C10orf67: variants seen among roughly 807,000 people sequenced by gnomAD.
C10orf67 encodes the protein chromosome 10 open reading frame 67, also known as uncharacterized protein C10orf67, mitochondrial.
A neutral mutation model predicts 35.6 loss-of-function variants in C10orf67; 60 were observed. The observed-to-expected ratio is 1.68, with a 90% CI of 1.37 to 2.09. C10orf67 has a LOEUF of 2.09. Ranked by LOEUF, C10orf67 falls within the 30% of genes most tolerant of loss-of-function variation. The probability of loss-of-function intolerance (pLI) is 0.00; values close to 1 mark genes in which losing one functional copy is unlikely to be tolerated. For missense variants in C10orf67, 474 were observed against 330.2 expected (o/e 1.44, Z -3.38); for synonymous variants, 167 against 115.8 (o/e 1.44, Z -2.84).
intron 10 of C10orf67, among the ~76,000 whole-genome samples, chr10:23,259,880 A>G (rs1842701732): frequency 6.6e-6 from 1 of 152,148 alleles, no homozygotes. Context: ...GAAACAAAGA[A>G]AAAAAGTAGT....
chr10:23,290,727 GT>G (rs911431287), intron 6 of C10orf67, among the ~76,000 whole-genome samples: 1 of 152,130 alleles, frequency 6.6e-6, no homozygotes, highest in Non-Finnish European at 1.5e-5. Context: ...GGCTAACTCT[GT>G]TTTCCCTACA....
At chr10:23,317,529 GC>G (rs1250261548) in intron 4 of C10orf67, 1 of 152,176 alleles carries the variant, frequency 6.6e-6, no homozygotes, top group Non-Finnish European at 1.5e-5. Context: ...CTCCCCTGCT[GC>G]AGCCGGCATC....
chr10:23,311,509 C>T (rs972741115), intron 4 of C10orf67, among the ~76,000 whole-genome samples: 8 of 152,052 alleles, frequency 5.3e-5, no homozygotes, highest in East Asian at 1.9e-4. Context: ...GTCCGGAGTT[C>T]GAGACCAGCC....
chr10:23,250,060 G>T (rs886233275), intron 12 of C10orf67, among the ~76,000 whole-genome samples: 5 of 152,326 alleles, frequency 3.3e-5, no homozygotes, highest in Middle Eastern at 3.4e-3. Flanking sequence ...TGGAGCTGTT[G>T]TGTCTGGTAG....
chr10:23,211,515 C>T lies in C10orf67; in HGVS notation c.1571-7260G>A, dbSNP rs188336123. Among the ~76,000 whole-genome samples the T allele has an allele frequency of 6.1e-4, 92 of 151,614 alleles. 1 individual carries two copies. Among genetic ancestry groups the T allele is most frequent in the Middle Eastern group, 3.4e-3 (1 of 294 alleles). On this transcript the variant is annotated intron_variant, in intron 15 of 15. Coordinates refer to ENST00000636213, the MANE Select transcript of C10orf67 (RefSeq NM_001371909.1). ...GTATCACAATTCAACCCGTAACACACACTTTTCCAGAGAAGGCAACTTACT... is the reference window on the plus strand; with the variant it reads ...GTATCACAATTCAACCCGTAACACATACTTTTCCAGAGAAGGCAACTTACT...
At chr10:23,316,878 C>T (rs1181460444) in intron 4 of C10orf67, 1 of 152,266 alleles carries the variant, frequency 6.6e-6, no homozygotes, top group Middle Eastern at 3.2e-3. Context: ...GGAGGAAGCT[C>T]ATGCTGATTG....
In C10orf67 at chr10:23,223,651, C is replaced by T. The variant is rs1029856671; in HGVS notation, c.1517G>A (p.Gly506Asp). Residue 506 changes from glycine (G) to aspartate (D), a missense_variant, in exon 15 of 16, where the codon GGT (glycine) becomes GAT (aspartate). Coordinates refer to ENST00000636213, the MANE Select transcript of C10orf67 (RefSeq NM_001371909.1). The part of the protein sequence containing the change: ...SSSHCTSSID[G>D]KHVDVVSDQA... ...ATCACTGACTACATCCACATGCTTA[C>T]CGTCTATCTGTAAGTGAACCAAAAC... 8.4e-6 allele frequency: 6 copies of T among 717,460 alleles called. No individual in the cohort carries two copies. Among genetic ancestry groups the T allele is most frequent in the Admixed American group, 2.0e-5 (1 of 49,996 alleles). The allele number at this position is 717,460 out of a possible 1,614,324, so 44.4% of individuals were successfully genotyped here.
Position 23,291,125 on chromosome 10 carries a change from A to C in C10orf67, c.850+7T>G, listed in dbSNP as rs771016604. On this transcript the variant is annotated splice_region_variant and intron_variant, in intron 6 of 15. Coordinates refer to ENST00000636213, the MANE Select transcript of C10orf67 (RefSeq NM_001371909.1). The stretch of plus-strand genomic sequence containing the variant: ...GATTTTTCTCAAAAGTGATTTCAAA[A>C]TGTTACCTAATCCTGAATTTTCTTT... 14 of 701,252 alleles carry C rather than the reference A, an allele frequency of 2.0e-5. No homozygotes were observed. Among genetic ancestry groups the C allele is most frequent in the Non-Finnish European group, 3.4e-5 (13 of 380,388 alleles). The allele number at this position is 701,252 out of a possible 1,614,324, so 43.4% of individuals were successfully genotyped here. A position where few individuals can be genotyped will look rare whatever the true frequency, so the allele number is the denominator to read the frequency against.
chr10:23,268,133 A>T (rs1842930002), intron 8 of C10orf67, among the ~76,000 whole-genome samples: 1 of 152,006 alleles, frequency 6.6e-6, no homozygotes, highest in African/African-American at 2.4e-5. Flanking sequence ...TATAAAAAAT[A>T]AAAAAATAAA....
intron 2 of C10orf67, among the ~76,000 whole-genome samples, chr10:23,332,338 T>G (rs1845519730): frequency 6.6e-6 from 1 of 152,172 alleles, no homozygotes; most frequent in South Asian, 2.1e-4. Context: ...GGGTTTTTAA[T>G]AATAACTCTT....
intron 3 of C10orf67, among the ~76,000 whole-genome samples, chr10:23,321,468 T>C (rs1414908898): frequency 3.9e-5 from 6 of 152,336 alleles, no homozygotes; most frequent in Non-Finnish European, 4.4e-5. Flanking sequence ...TGTTTCAACC[T>C]CTCAAAGTGC....
intron 12 of C10orf67, among the ~76,000 whole-genome samples, chr10:23,242,944 C>T (rs1842221163): frequency 6.6e-6 from 1 of 151,942 alleles, no homozygotes; most frequent in Admixed American, 6.6e-5. Context: ...TAAAATAAAA[C>T]TGACAGATTA....
chr10:23,230,311 T>C (rs1841873382), intron 13 of C10orf67, among the ~76,000 whole-genome samples: 1 of 152,104 alleles, frequency 6.6e-6, no homozygotes, highest in Admixed American at 6.6e-5. Flanking sequence ...ATATCAATTC[T>C]AAATGGATTA....
chr10:23,322,995 G>C (rs1845017874), intron 2 of C10orf67, among the ~76,000 whole-genome samples: 1 of 152,160 alleles, frequency 6.6e-6, no homozygotes, highest in African/African-American at 2.4e-5. Flanking sequence ...TAAGATGATT[G>C]TATGCATTGT....
chr10:23,265,748 C>T (rs1842869331), intron 10 of C10orf67, among the ~76,000 whole-genome samples: 1 of 152,180 alleles, frequency 6.6e-6, no homozygotes, highest in Non-Finnish European at 1.5e-5. Context: ...TTTATGTAGA[C>T]CAAGGCTGCC....
At chr10:23,251,661 A>G (rs1042329942) in intron 10 of C10orf67, among the ~76,000 whole-genome samples, 5 of 152,152 alleles carry the variant, frequency 3.3e-5, no homozygotes, top group African/African-American at 9.7e-5. Flanking sequence ...AGTCATTGCT[A>G]CTTTCTAAGC....
intron 5 of C10orf67, among the ~76,000 whole-genome samples, chr10:23,292,158 CTTTTTT>C (rs542812504): frequency 1.4e-5 from 1 of 69,314 alleles, no homozygotes; most frequent in African/African-American, 7.1e-5. Context: ...GACAGCTACT[CTTTTTT>C]TTTTTTTTTT....
rs771556708 is a variant in C10orf67, at chr10:23,203,678, C to G, written c.*495G>C. 6.6e-6 allele frequency: 1 copy of G among 152,206 alleles called. No individual in the cohort carries two copies. The allele number at this position is 152,206 out of a possible 1,614,324, so 9.4% of individuals were successfully genotyped here. ...TAAGATGCGGCTAGGTGCCCTGTGC[C>G]GGGGTAAGATAAGAATGAATCTTGC... On this transcript the variant is annotated 3_prime_UTR_variant, in exon 16 of 16. Coordinates refer to ENST00000636213, the MANE Select transcript of C10orf67 (RefSeq NM_001371909.1).
At chr10:23,256,048 C>A (rs1842591326) in intron 10 of C10orf67, among the ~76,000 whole-genome samples, 1 of 152,152 alleles carries the variant, frequency 6.6e-6, no homozygotes, top group African/African-American at 2.4e-5. Flanking sequence ...ATGGCTCAGG[C>A]TGGAGTGCAG....
Sources: allele counts gnomAD v4.1 joint callset (sites outside exome capture counted in the v4.1 genomes callset), GRCh38; gene constraint gnomAD v4.1.1; transcripts MANE v1.5; gene names NCBI Gene and HGNC (gene_info 2026-07-23, HGNC 2026-07-21).